Variants in NEMP2 observed in about 807,000 individuals in gnomAD.
The protein encoded by NEMP2 is nuclear envelope integral membrane protein 2, also known as UPF0571 transmembrane protein.
In NEMP2, 53 loss-of-function variants were observed where a neutral mutation model predicts 54.2. The ratio of observed to expected loss-of-function variants is 0.98; its 90% CI spans 0.78 to 1.23. The LOEUF (loss-of-function observed/expected upper bound fraction) is 1.23. Among genes scored for constraint, NEMP2 ranks in the 50% most tolerant of loss-of-function variants. The probability of loss-of-function intolerance (pLI) is 0.00; values close to 1 mark genes in which losing one functional copy is unlikely to be tolerated. For missense variants in NEMP2, 455 were observed against 511.3 expected (o/e 0.89, Z 1.06); for synonymous variants, 197 against 190.3 (o/e 1.04, Z -0.29).
chr2:190,556,731 A>T, the NEMP2 span, among the ~76,000 whole-genome samples: 1 of 152,196 alleles, frequency 6.6e-6, no homozygotes, highest in African/African-American at 2.4e-5. Flanking sequence ...CACAATTGCT[A>T]CAAAGATAAT....
chr2:190,617,531 C>G, the NEMP2 span, among the ~76,000 whole-genome samples: 1 of 152,136 alleles, frequency 6.6e-6, no homozygotes, highest in East Asian at 1.9e-4. The surrounding 1 kb of genome is among the most constrained non-coding windows in gnomAD (Gnocchi z 5.0). Flanking sequence ...TTCAGAGAAA[C>G]TAGGAATATC....
Position 190,518,975 on chromosome 2 carries a change from T to C in NEMP2, c.422A>G (p.Tyr141Cys). ...SVEPVKKIFN[Y>C]MIHVNRNIMD... ...ACTGTTTCGATTCACATGTATCATA[T>C]AGTTAAATATCTTCTTGACAGGCTC... is the stretch of plus-strand genomic sequence containing the variant. Residue 141 changes from tyrosine (Y) to cysteine (C), a missense_variant, in exon 3 of 9, where the codon TAT becomes TGT. Physicochemically the swap from Tyr to Cys is radical, Grantham distance 194. Transcript: ENST00000409150. The C allele has an allele frequency of 6.4e-7, 1 of 1,551,014 alleles. No homozygotes were observed. Among genetic ancestry groups the C allele is most frequent in the East Asian group, 2.4e-5 (1 of 40,906 alleles).
the NEMP2 span, among the ~76,000 whole-genome samples, chr2:190,559,585 A>C: frequency 6.6e-6 from 1 of 152,244 alleles, no homozygotes; most frequent in Non-Finnish European, 1.5e-5. This position sits in a 1 kb window ranked among gnomAD's most constrained non-coding sequence, Gnocchi z 4.0. Flanking sequence ...GTGTCACATA[A>C]GCCAAAGAAG....
At chr2:190,534,510 C>T (rs766896396) in intron 1 of NEMP2, 49 bp downstream of exon 1, 5 of 1,355,212 alleles carry the variant, frequency 3.7e-6, no homozygotes, top group Non-Finnish European at 4.7e-6. Context: ...GCCGCGAAGC[C>T]GGGGAGCGAG....
chr2:190,556,355 A>C, the NEMP2 span, among the ~76,000 whole-genome samples: 3 of 152,220 alleles, frequency 2.0e-5, no homozygotes, highest in African/African-American at 7.2e-5. Flanking sequence ...ATTTATGACA[A>C]ACCCACAGCC....
the NEMP2 span, among the ~76,000 whole-genome samples, chr2:190,597,158 G>GCTC: frequency 6.6e-6 from 1 of 151,724 alleles, no homozygotes; most frequent in African/African-American, 2.4e-5. The surrounding 1 kb of genome is among the most constrained non-coding windows in gnomAD (Gnocchi z 4.7). Flanking sequence ...TAGCTACTGA[G>GCTC]CAGGCTGAAG....
In NEMP2 at chr2:190,505,686, A is replaced by G. The variant is rs1008799267; in HGVS notation, c.*3503T>C. Reference sequence around the variant, plus strand: ...TAAAAGATAATCCAACTCCTAGGCCAGAGAAAGACTAAAGATTTTAACACA... The same window carrying G: ...TAAAAGATAATCCAACTCCTAGGCCGGAGAAAGACTAAAGATTTTAACACA... On this transcript the variant is annotated 3_prime_UTR_variant, in exon 9 of 9. Transcript: ENST00000409150. This position sits in a 1 kb window ranked among gnomAD's most constrained non-coding sequence, Gnocchi z 5.8. 2 of 152,254 alleles carry G rather than the reference A, an allele frequency of 1.3e-5. No homozygotes were observed. The highest frequency in any genetic ancestry group is 1.3e-4 in the Admixed American group (2 of 15,284). 9.4% of individuals were successfully genotyped at this position (152,254 alleles called of 1,614,324 possible).
chr2:190,612,163 T>TC, the NEMP2 span, among the ~76,000 whole-genome samples: 1 of 149,014 alleles, frequency 6.7e-6, no homozygotes, highest in Non-Finnish European at 1.5e-5. Context: ...TTTTTTTTTT[T>TC]TTTTTTTTTT....
chr2:190,452,497 T>G, the NEMP2 span, among the ~76,000 whole-genome samples: 1 of 152,150 alleles, frequency 6.6e-6, no homozygotes, highest in Non-Finnish European at 1.5e-5. Context: ...TGTAGAGTGA[T>G]TAAGTTTCCC....
chr2:190,499,700 T>C (rs1689923197), downstream of NEMP2: 1 of 1,005,322 alleles, frequency 9.9e-7, no homozygotes, highest in African/African-American at 1.7e-5. The surrounding 1 kb of genome is among the most constrained non-coding windows in gnomAD (Gnocchi z 6.0). Flanking sequence ...GCCACATGGC[T>C]TGGGGGGCTC....
At chr2:190,546,119 G>A in the NEMP2 span, among the ~76,000 whole-genome samples, 2 of 152,116 alleles carry the variant, frequency 1.3e-5, no homozygotes, top group African/African-American at 4.8e-5. This position sits in a 1 kb window ranked among gnomAD's most constrained non-coding sequence, Gnocchi z 5.1. Flanking sequence ...AAGAAACCGT[G>A]GAAAGTGGAA....
chr2:190,606,390 C>T, the NEMP2 span, among the ~76,000 whole-genome samples: 11,201 of 152,214 alleles, frequency 0.074, 542 homozygotes, highest in Middle Eastern at 0.15. Context: ...TGAAAAGTAT[C>T]GTATCTGCCT....
chr2:190,438,890 A>G, the NEMP2 span, among the ~76,000 whole-genome samples: 1 of 152,022 alleles, frequency 6.6e-6, no homozygotes, highest in Non-Finnish European at 1.5e-5. The surrounding 1 kb of genome is among the most constrained non-coding windows in gnomAD (Gnocchi z 5.2). Flanking sequence ...AATTGTGAGT[A>G]TTTTTTCTTG....
the NEMP2 span, chr2:190,488,624 C>A: frequency 7.1e-7 from 1 of 1,417,128 alleles, no homozygotes; most frequent in Non-Finnish European, 9.3e-7. This position sits in a 1 kb window ranked among gnomAD's most constrained non-coding sequence, Gnocchi z 6.4. Flanking sequence ...AAATGCTAAC[C>A]AACTAATCCC....
chr2:190,500,149 C>T (rs753442045), downstream of NEMP2: 2 of 1,614,162 alleles, frequency 1.2e-6, no homozygotes, highest in South Asian at 2.2e-5. The surrounding 1 kb of genome is among the most constrained non-coding windows in gnomAD (Gnocchi z 5.3). Flanking sequence ...GCCCCGCTCA[C>T]CCCAGTGTGG....
At chr2:190,470,292 T>TTA in the NEMP2 span, among the ~76,000 whole-genome samples, 1 of 152,244 alleles carries the variant, frequency 6.6e-6, no homozygotes, top group African/African-American at 2.4e-5. Context: ...ATCTGGTGAC[T>TTA]TATAACTAAA....
At chr2:190,455,027 T>C in the NEMP2 span, among the ~76,000 whole-genome samples, 1 of 148,290 alleles carries the variant, frequency 6.7e-6, no homozygotes, top group African/African-American at 2.5e-5. Flanking sequence ...ATATGTGTGT[T>C]GGTAAGCAGA....
At chr2:190,536,674 T>A (rs1027768247), upstream of NEMP2, among the ~76,000 whole-genome samples, 9 of 152,164 alleles carry the variant, frequency 5.9e-5, no homozygotes, top group African/African-American at 2.2e-4. Context: ...GAGACCTCTC[T>A]GTAACACAGG....
At chr2:190,490,943 T>G in the NEMP2 span, among the ~76,000 whole-genome samples, 1 of 152,346 alleles carries the variant, frequency 6.6e-6, no homozygotes, top group African/African-American at 2.4e-5. The surrounding 1 kb of genome is among the most constrained non-coding windows in gnomAD (Gnocchi z 4.5). Context: ...TTTGTTCTTT[T>G]ATAATCCTAA....
Sources: gnomAD v4.1 joint callset for allele counts (sites outside exome capture counted in the v4.1 genomes callset) on GRCh38, gnomAD v4.1.1 for gene constraint, Gnocchi (gnomAD v3.1) non-coding constraint, MANE v1.5 for transcripts, NCBI Gene and HGNC (gene_info 2026-07-23, HGNC 2026-07-21) for gene names.